RUFY4: variants seen among roughly 807,000 people sequenced by gnomAD.
The protein encoded by RUFY4 is RUN and FYVE domain containing 4.
In RUFY4, 73 loss-of-function variants were observed where a neutral mutation model predicts 69.0. The ratio of observed to expected loss-of-function variants is 1.06; its 90% CI spans 0.88 to 1.29. The LOEUF is 1.29. RUFY4 is among the 50% of genes most tolerant of loss of function. The pLI, the probability that RUFY4 is intolerant of heterozygous loss-of-function variation, is 0.00. For synonymous variants in RUFY4, 287 were observed against 271.8 expected, an observed-to-expected ratio of 1.06 and a Z score of -0.55; for missense variants, 770 against 705.6, an observed-to-expected ratio of 1.09 and a Z score of -1.03.
chr2:218,073,006 A>G, intron 4 of RUFY4, 121 bp downstream of exon 6: 1 of 985,642 alleles, frequency 1.0e-6, no homozygotes, highest in Non-Finnish European at 1.5e-6. Context: ...AATGAGAGTC[A>G]TGAAGGAAAA....
At chr2:218,045,497 A>G (rs1688805655) in intron 2 of RUFY4, among the ~76,000 whole-genome samples, 1 of 152,232 alleles carries the variant, frequency 6.6e-6, no homozygotes, top group Admixed American at 6.5e-5. Flanking sequence ...TAAAAAAGAA[A>G]AAAAATTTCC....
chr2:218,089,603 A>G (rs2106079673), intron 10 of RUFY4: 1 of 683,254 alleles, frequency 1.5e-6, no homozygotes, highest in Non-Finnish European at 2.7e-6. Flanking sequence ...CCCCTCCAAG[A>G]GCCGATTGAG....
exon 5 of RUFY4, chr2:218,073,358 C>A: frequency 6.3e-7 from 1 of 1,592,152 alleles, no homozygotes. Context: ...GCAGCCAGAC[C>A]TGGATGGAGC....
chr2:218,086,649 T>C (rs4133194), intron 9 of RUFY4, among the ~76,000 whole-genome samples: 2 of 152,142 alleles, frequency 1.3e-5, no homozygotes. Flanking sequence ...GCCTCCCACA[T>C]AGCCTTTCAT....
intron 2 of RUFY4, among the ~76,000 whole-genome samples, chr2:218,049,754 C>T (rs545792646): frequency 1.2e-4 from 18 of 152,204 alleles, no homozygotes; most frequent in South Asian, 8.3e-4. Context: ...GTGATCCACC[C>T]GCCTCAGCCT....
At chr2:218,038,200 T>C (rs1959007144) in intron 2 of RUFY4, among the ~76,000 whole-genome samples, 1 of 152,036 alleles carries the variant, frequency 6.6e-6, no homozygotes, top group Non-Finnish European at 1.5e-5. Context: ...TGAATCTCCT[T>C]GAACACATAA....
chr2:218,063,441 G>A (rs1381596088), intron 3 of RUFY4, among the ~76,000 whole-genome samples: 1 of 152,222 alleles, frequency 6.6e-6, no homozygotes, highest in African/African-American at 2.4e-5. Context: ...GTAAGATGGG[G>A]CAGCTGCTTT....
rs77987799 is a variant in RUFY4, at chr2:218,073,475, T to A, written c.530+89T>A. 5.9e-3 allele frequency: 8,837 copies of A among 1,501,922 alleles called. 453 individuals are homozygous for A. In the African/African-American group the frequency reaches 0.11, roughly 19 times the overall value. The allele number at this position is 1,501,922 out of a possible 1,614,324, so 93.0% of individuals were successfully genotyped here. A position where few individuals can be genotyped will look rare whatever the true frequency, so the allele number is the denominator to read the frequency against. Reference sequence around the variant, plus strand: ...CCAGGCAAGCCCCAAGCCCTCAGCCTCCAGCCCCATCTGTCTCTGCCTCCT... The same window carrying A: ...CCAGGCAAGCCCCAAGCCCTCAGCCACCAGCCCCATCTGTCTCTGCCTCCT... On this transcript the variant is annotated intron_variant, in intron 5 of 10. Coordinates refer to ENST00000344321, the Ensembl canonical transcript of RUFY4.
At chr2:218,072,677 C>A in intron 3 of RUFY4, 102 bp from the exon 6 acceptor site, 1 of 1,291,912 alleles carries the variant, frequency 7.7e-7, no homozygotes, top group Non-Finnish European at 1.0e-6. Context: ...GGTCCCCCTG[C>A]ACCCTTCCCA....
At chr2:218,052,250 T>A (rs1379857210) in intron 2 of RUFY4, among the ~76,000 whole-genome samples, 1 of 152,228 alleles carries the variant, frequency 6.6e-6, no homozygotes, top group East Asian at 1.9e-4. Context: ...ATGTTTGTCT[T>A]AAAGGCCTAG....
At chr2:218,081,209 C>T (rs1689753241) in intron 8 of RUFY4, among the ~76,000 whole-genome samples, 1 of 152,136 alleles carries the variant, frequency 6.6e-6, no homozygotes, top group Non-Finnish European at 1.5e-5. Flanking sequence ...CAGGTCCTGC[C>T]CACCTCCCCA....
chr2:218,039,038 A>T (rs1959021783), intron 2 of RUFY4, among the ~76,000 whole-genome samples: 1 of 152,152 alleles, frequency 6.6e-6, no homozygotes, highest in Admixed American at 6.5e-5. Flanking sequence ...CATCCAATGG[A>T]GGTTCTATCG....
chr2:218,074,760 C>T (rs575937624), intron 6 of RUFY4, among the ~76,000 whole-genome samples: 143 of 151,896 alleles, frequency 9.4e-4, no homozygotes, highest in African/African-American at 3.2e-3. Context: ...ACATGTAGTT[C>T]GGGAGGAAAA....
intron 4 of RUFY4, 36 bp downstream of exon 6, chr2:218,072,921 C>A: frequency 6.9e-7 from 1 of 1,455,840 alleles, no homozygotes; most frequent in South Asian, 1.3e-5. Context: ...CCGATGCCAT[C>A]TGAGCCACTT....
intron 2 of RUFY4, among the ~76,000 whole-genome samples, chr2:218,052,603 G>A (rs540068814): frequency 6.6e-6 from 1 of 152,022 alleles, no homozygotes; most frequent in African/African-American, 2.4e-5. Context: ...TCAAGTTTTA[G>A]GATAGTTTCT....
intron 2 of RUFY4, among the ~76,000 whole-genome samples, chr2:218,058,035 T>C (rs1226778082): frequency 1.3e-5 from 2 of 152,372 alleles, no homozygotes; most frequent in East Asian, 1.9e-4. Flanking sequence ...GTATAATTCC[T>C]GAATCAGAGA....
intron 2 of RUFY4, among the ~76,000 whole-genome samples, chr2:218,054,667 T>C (rs1177854405): frequency 1.3e-5 from 2 of 151,926 alleles, no homozygotes; most frequent in Non-Finnish European, 2.9e-5. Context: ...AGAATAAAAA[T>C]TGATTACATG....
chr2:218,048,912 C>T, intron 2 of RUFY4, among the ~76,000 whole-genome samples: 1 of 152,116 alleles, frequency 6.6e-6, no homozygotes, highest in East Asian at 1.9e-4. Flanking sequence ...ATCTCTAGTC[C>T]TCAGTTGTTA....
At chr2:218,049,583 C>T (rs571218585) in intron 2 of RUFY4, among the ~76,000 whole-genome samples, 22 of 151,902 alleles carry the variant, frequency 1.4e-4, no homozygotes, top group Non-Finnish European at 1.9e-4. Context: ...CTCAGCTCAC[C>T]GCAGCCTCTG....
Sources: allele counts gnomAD v4.1 joint callset (sites outside exome capture counted in the v4.1 genomes callset), GRCh38; gene constraint gnomAD v4.1.1; transcripts MANE v1.5; gene names NCBI Gene and HGNC (gene_info 2026-07-23, HGNC 2026-07-21).